ADAMTS17: variants seen among roughly 807,000 people sequenced by gnomAD.
ADAMTS17 encodes the protein ADAM metallopeptidase with thrombospondin type 1 motif 17.
A neutral mutation model predicts 141.5 loss-of-function variants in ADAMTS17; 113 were observed. That is an observed-to-expected ratio of 0.80 (90% CI 0.69 to 0.93). The LOEUF is 0.93. ADAMTS17 is among the 40% of genes least tolerant of loss of function. ADAMTS17 has a pLI of 0.00. For synonymous variants in ADAMTS17, 768 were observed against 630.6 expected, an observed-to-expected ratio of 1.22 and a Z score of -3.27; for missense variants, 1,659 against 1,517.9, an observed-to-expected ratio of 1.09 and a Z score of -1.54.
At chr15:100,240,586 G>A (rs546023630) in intron 7 of ADAMTS17, among the ~76,000 whole-genome samples, 1 of 152,142 alleles carries the variant, frequency 6.6e-6, no homozygotes, top group Non-Finnish European at 1.5e-5. Flanking sequence ...GAGGGCACCC[G>A]AGGAATCTAC....
chr15:100,119,896 G>A (rs867576771), intron 12 of ADAMTS17, among the ~76,000 whole-genome samples: 1 of 152,268 alleles, frequency 6.6e-6, no homozygotes, highest in Middle Eastern at 3.4e-3. Context: ...CCTACCTGGA[G>A]CATCTCCACA....
At chr15:100,206,628 G>C (rs563662358) in intron 7 of ADAMTS17, among the ~76,000 whole-genome samples, 3 of 152,282 alleles carry the variant, frequency 2.0e-5, no homozygotes, top group Non-Finnish European at 4.4e-5. Flanking sequence ...GGGAAAGCTG[G>C]GGTTTTAGGT....
At position 100,277,716 on chromosome 15, in the gene ADAMTS17, C is replaced by G. The variant is rs79722409; in HGVS notation, c.789+3513G>C. 9.8e-3 allele frequency among the ~76,000 whole-genome samples: 1,498 copies of G among 152,328 alleles called. 12 individuals are homozygous for G. The highest frequency in any genetic ancestry group is 0.015 in the Non-Finnish European group (993 of 68,038). ...GGAACTATTTCTCAGAAATGAGCATCATCAAAAGTTAACACTGAACTATTT... is the reference window on the plus strand; with the variant it reads ...GGAACTATTTCTCAGAAATGAGCATGATCAAAAGTTAACACTGAACTATTT... On this transcript the variant is annotated intron_variant, in intron 4 of 21. Coordinates refer to ENST00000268070, the MANE Select transcript of ADAMTS17 (RefSeq NM_139057.4).
intron 13 of ADAMTS17, among the ~76,000 whole-genome samples, 180 bp from the exon 14 acceptor site, chr15:100,109,296 G>A (rs2036599151): frequency 9.4e-6 from 1 of 106,616 alleles, no homozygotes; most frequent in Admixed American, 9.7e-5. Context: ...CACAGGGGAA[G>A]ACAGTGCAGG....
chr15:99,975,596 C>T (rs575119151), intron 21 of ADAMTS17, among the ~76,000 whole-genome samples: 37 of 152,240 alleles, frequency 2.4e-4, no homozygotes, highest in Non-Finnish European at 5.1e-4. Flanking sequence ...GCACCCAGGG[C>T]CAAACCACTC....
At chr15:100,277,030 T>G (rs775532972) in intron 4 of ADAMTS17, among the ~76,000 whole-genome samples, 1 of 152,092 alleles carries the variant, frequency 6.6e-6, no homozygotes, top group Non-Finnish European at 1.5e-5. Context: ...AGCCCCCCTG[T>G]GCAAGGGGGC....
intron 3 of ADAMTS17, among the ~76,000 whole-genome samples, chr15:100,316,725 AT>A (rs1262016494): frequency 1.3e-5 from 2 of 152,386 alleles, no homozygotes; most frequent in Admixed American, 6.5e-5. Context: ...TTGCATTTGC[AT>A]GAGTTCATTT....
chr15:99,981,626 G>A (rs534731856), intron 20 of ADAMTS17, among the ~76,000 whole-genome samples: 1 of 152,242 alleles, frequency 6.6e-6, no homozygotes, highest in South Asian at 2.1e-4. Flanking sequence ...GTTACAAAGT[G>A]GCATGTACAG....
chr15:100,070,992 C>T (rs1030961799), intron 15 of ADAMTS17, among the ~76,000 whole-genome samples: 1 of 150,144 alleles, frequency 6.7e-6, no homozygotes, highest in Non-Finnish European at 1.5e-5. Context: ...TGACAGACCA[C>T]TAGCAAGACT....
intron 8 of ADAMTS17, among the ~76,000 whole-genome samples, chr15:100,179,804 A>T (rs925143397): frequency 2.0e-5 from 3 of 152,128 alleles, no homozygotes; most frequent in Non-Finnish European, 2.9e-5. Context: ...AATGATGAAC[A>T]CTTTTTCATT....
At position 100,284,088 on chromosome 15, in the gene ADAMTS17, G is replaced by C. The variant is rs540845755; in HGVS notation, c.617-2687C>G. ...CCACTGCAATCCAGCCTGGGCGACA[G>C]AGCAAGATTCCATCTTAAACAAACA... On this transcript the variant is annotated intron_variant, in intron 3 of 21. Coordinates refer to ENST00000268070, the MANE Select transcript of ADAMTS17 (RefSeq NM_139057.4). Among the ~76,000 whole-genome samples the C allele has an allele frequency of 4.0e-5, 6 of 151,424 alleles. No individual in the cohort carries two copies. In the East Asian group the frequency reaches 9.7e-4, roughly 24 times the overall value.
At chr15:100,078,623 A>G (rs2034534876) in intron 15 of ADAMTS17, among the ~76,000 whole-genome samples, 1 of 152,238 alleles carries the variant, frequency 6.6e-6, no homozygotes, top group Non-Finnish European at 1.5e-5. Flanking sequence ...CTCTTGGAAG[A>G]AAACATAGGG....
At chr15:100,160,189 A>G (rs982209176) in intron 8 of ADAMTS17, among the ~76,000 whole-genome samples, 1 of 151,986 alleles carries the variant, frequency 6.6e-6, no homozygotes, top group African/African-American at 2.4e-5. Flanking sequence ...CCCTGTAGGC[A>G]TTCTCTAAAA....
intron 3 of ADAMTS17, among the ~76,000 whole-genome samples, chr15:100,300,438 T>C (rs2044990377): frequency 6.6e-6 from 1 of 152,302 alleles, no homozygotes; most frequent in Middle Eastern, 3.4e-3. Context: ...CCATGGTCCT[T>C]CTGACCCACA....
Position 100,046,790 on chromosome 15 carries a change from C to T in ADAMTS17, c.2591+2067G>A, listed in dbSNP as rs543165732. On this transcript the variant is annotated intron_variant, in intron 18 of 21. Coordinates refer to ENST00000268070, the MANE Select transcript of ADAMTS17 (RefSeq NM_139057.4). ...TTTGTAAGCTGAGGAGGCTGTATAT[C>T]GCCTCAGGACCCTGTGATGATTGCG... 7.4e-4 allele frequency among the ~76,000 whole-genome samples: 113 copies of T among 152,230 alleles called. 2 individuals carry two copies. Among genetic ancestry groups the T allele is most frequent in the Admixed American group, 4.4e-3 (67 of 15,290 alleles).
At chr15:100,160,800 T>C (rs974457566) in intron 8 of ADAMTS17, among the ~76,000 whole-genome samples, 1 of 152,204 alleles carries the variant, frequency 6.6e-6, no homozygotes, top group African/African-American at 2.4e-5. Context: ...TCCTTTAAAA[T>C]GTTTACATGC....
At chr15:100,067,934 T>C (rs1201441860) in intron 15 of ADAMTS17, among the ~76,000 whole-genome samples, 2 of 151,920 alleles carry the variant, frequency 1.3e-5, no homozygotes, top group African/African-American at 4.8e-5. Flanking sequence ...GCACTGAGCG[T>C]GAGCTGAAGC....
At chr15:99,975,527 T>C (rs944975286) in intron 21 of ADAMTS17, among the ~76,000 whole-genome samples, 1 of 149,908 alleles carries the variant, frequency 6.7e-6, no homozygotes, top group Admixed American at 6.6e-5. Context: ...TTAAGTGCTC[T>C]TCTTCTCCTT....
chr15:100,321,405 T>C (rs1391810564), intron 3 of ADAMTS17, among the ~76,000 whole-genome samples: 1 of 152,218 alleles, frequency 6.6e-6, no homozygotes, highest in Non-Finnish European at 1.5e-5. Flanking sequence ...AAAAAACATA[T>C]TCCCAAATTT....
Sources: gnomAD v4.1 joint callset for allele counts (sites outside exome capture counted in the v4.1 genomes callset) on GRCh38, gnomAD v4.1.1 for gene constraint, MANE v1.5 for transcripts, NCBI Gene and HGNC (gene_info 2026-07-23, HGNC 2026-07-21) for gene names.